The following PLXDC2 variants were observed in gnomAD, a reference collection of about 807,000 sequenced individuals.
PLXDC2 encodes the protein plexin domain containing 2.
PLXDC2 carries 40 observed loss-of-function variants against 68.9 expected under a neutral mutation model. The ratio of observed to expected loss-of-function variants is 0.58; its 90% CI spans 0.45 to 0.76. The LOEUF (loss-of-function observed/expected upper bound fraction) is 0.76, where lower values mean the gene tolerates loss of function less well. Among genes scored for constraint, PLXDC2 ranks in the 30% least tolerant of loss-of-function variants. The pLI is 0.00. For missense variants in PLXDC2, 644 were observed against 661.9 expected, an observed-to-expected ratio of 0.97 and a Z score of 0.30; for synonymous variants, 243 against 234.2, an observed-to-expected ratio of 1.04 and a Z score of -0.34.
chr10:19,894,869 C>T (rs1454964677), intron 1 of PLXDC2, among the ~76,000 whole-genome samples: 6 of 152,180 alleles, frequency 3.9e-5, no homozygotes, highest in Non-Finnish European at 7.4e-5. Flanking sequence ...GATAGTGTGG[C>T]GATTCTTCAA....
chr10:19,961,601 G>A (rs6482072), intron 1 of PLXDC2, among the ~76,000 whole-genome samples: 95,508 of 152,128 alleles, frequency 0.63, 30,210 homozygotes, highest in African/African-American at 0.7. Context: ...GAAGTTAGGG[G>A]AGACAAAGCT....
At position 19,817,271 on chromosome 10, in the gene PLXDC2, C is replaced by T. The variant is rs562976550; in HGVS notation, c.112+80C>T. The T allele has an allele frequency of 6.1e-6, 7 of 1,138,952 alleles. No homozygotes were observed. The South Asian group carries it at 8.1e-5, about 13-fold the overall frequency. 70.6% of individuals were successfully genotyped at this position (1,138,952 alleles called of 1,614,324 possible). ...GGCACTCTCGTGCTCCCTACCCTCT[C>T]CCCCCAACATCACCTATCTGCCCTT... On this transcript the variant is annotated intron_variant, in intron 1 of 13. Transcript: ENST00000377252.
intron 3 of PLXDC2, among the ~76,000 whole-genome samples, chr10:20,064,112 T>G (rs1836152621): frequency 6.7e-6 from 1 of 149,620 alleles, no homozygotes; most frequent in African/African-American, 2.5e-5. Flanking sequence ...ACCATTTTCT[T>G]GAATCTTTTT....
chr10:20,198,145 T>C (rs1295890791), intron 9 of PLXDC2, among the ~76,000 whole-genome samples: 1 of 152,102 alleles, frequency 6.6e-6, no homozygotes, highest in African/African-American at 2.4e-5. Flanking sequence ...TGAATATTTC[T>C]GAGGGTGTGA....
intron 9 of PLXDC2, among the ~76,000 whole-genome samples, chr10:20,188,977 A>G (rs1005975281): frequency 1.3e-5 from 2 of 150,918 alleles, no homozygotes; most frequent in African/African-American, 4.9e-5. Context: ...TGAACTTTGA[A>G]TTTATTTTAG....
chr10:20,141,753 G>A (rs116189258), intron 4 of PLXDC2, among the ~76,000 whole-genome samples: 4,770 of 152,030 alleles, frequency 0.031, 90 homozygotes, highest in South Asian at 0.066. Context: ...AATCTAGAAG[G>A]AAATATAATA....
chr10:20,065,456 C>A (rs958781485), intron 3 of PLXDC2, among the ~76,000 whole-genome samples: 3 of 152,060 alleles, frequency 2.0e-5, no homozygotes, highest in Non-Finnish European at 4.4e-5. Flanking sequence ...TATTTTGGCA[C>A]CAGGAACCAG....
intron 12 of PLXDC2, among the ~76,000 whole-genome samples, chr10:20,223,553 TCCA>T (rs1398511001): frequency 6.6e-6 from 1 of 152,104 alleles, no homozygotes; most frequent in African/African-American, 2.4e-5. Flanking sequence ...CCTCAGGTGA[TCCA>T]CCTGCCTTGG....
chr10:19,860,563 C>T (rs948343599), intron 1 of PLXDC2, among the ~76,000 whole-genome samples: 1 of 152,144 alleles, frequency 6.6e-6, no homozygotes, highest in Non-Finnish European at 1.5e-5. Context: ...TGAAGGCACC[C>T]TTTTCTCTAC....
intron 1 of PLXDC2, among the ~76,000 whole-genome samples, chr10:19,898,937 T>C (rs1246199478): frequency 6.6e-6 from 1 of 152,240 alleles, no homozygotes; most frequent in African/African-American, 2.4e-5. Context: ...ACAGAGTTCT[T>C]GCCCTTGGGA....
At chr10:20,277,320 A>G (rs893985048) in intron 13 of PLXDC2, among the ~76,000 whole-genome samples, 3 of 151,946 alleles carry the variant, frequency 2.0e-5, no homozygotes, top group Admixed American at 6.6e-5. Flanking sequence ...GCCGATTTAT[A>G]TAGATTTCCC....
At chr10:19,894,031 GA>G (rs1838012396) in intron 1 of PLXDC2, among the ~76,000 whole-genome samples, 1 of 152,174 alleles carries the variant, frequency 6.6e-6, no homozygotes, top group Non-Finnish European at 1.5e-5. Context: ...TAAATTCAGA[GA>G]AGCACCCAGA....
intron 9 of PLXDC2, among the ~76,000 whole-genome samples, chr10:20,209,730 A>G (rs546182565): frequency 6.6e-6 from 1 of 152,036 alleles, no homozygotes; most frequent in South Asian, 2.1e-4. Flanking sequence ...CATGCTCTAC[A>G]ATTTGTGCAG....
chr10:19,822,348 A>T (rs1382307715), intron 1 of PLXDC2, among the ~76,000 whole-genome samples: 1 of 151,440 alleles, frequency 6.6e-6, no homozygotes, highest in African/African-American at 2.4e-5. Flanking sequence ...TATGCAATGT[A>T]TGTGGAATAT....
intron 5 of PLXDC2, 49 bp downstream of exon 5, chr10:20,143,466 C>T (rs199985725): frequency 1.4e-4 from 223 of 1,602,830 alleles, no homozygotes; most frequent in African/African-American, 1.3e-3. Context: ...TTTTAAACCT[C>T]AAGCATCAGA....
chr10:20,228,784 T>A (rs1458188020), intron 12 of PLXDC2, among the ~76,000 whole-genome samples: 1 of 151,828 alleles, frequency 6.6e-6, no homozygotes, highest in African/African-American at 2.4e-5. Context: ...ACAGAAAAGT[T>A]TGGTATCACA....
chr10:19,952,475 A>C (rs957895899), intron 1 of PLXDC2, among the ~76,000 whole-genome samples: 1 of 152,214 alleles, frequency 6.6e-6, no homozygotes, highest in Non-Finnish European at 1.5e-5. Flanking sequence ...ACAGGATCTC[A>C]AAAGCAAACC....
At chr10:19,896,702 T>C (rs895277708) in intron 1 of PLXDC2, among the ~76,000 whole-genome samples, 2 of 152,120 alleles carry the variant, frequency 1.3e-5, no homozygotes, top group African/African-American at 4.8e-5. Flanking sequence ...GGAAGAGAGA[T>C]AATTTTGGGC....
At chr10:19,862,307 G>A (rs749029395) in intron 1 of PLXDC2, among the ~76,000 whole-genome samples, 2 of 152,066 alleles carry the variant, frequency 1.3e-5, no homozygotes, top group Non-Finnish European at 2.9e-5. Context: ...CCTCAGATAC[G>A]GTGTTTTTAT....
Sources: gnomAD v4.1 joint callset for allele counts (sites outside exome capture counted in the v4.1 genomes callset) on GRCh38, gnomAD v4.1.1 for gene constraint, MANE v1.5 for transcripts, NCBI Gene and HGNC (gene_info 2026-07-23, HGNC 2026-07-21) for gene names.